The following TAF2 variants were observed in gnomAD, a reference collection of about 807,000 sequenced individuals.
The protein encoded by TAF2 is TATA-box binding protein associated factor 2.
Under a neutral mutation model 138.5 loss-of-function variants are expected in TAF2, and 61 were observed. That is an observed-to-expected ratio of 0.44 (90% CI 0.36 to 0.54). The LOEUF (loss-of-function observed/expected upper bound fraction) is 0.54. Ranked by LOEUF, TAF2 falls within the 20% of genes least tolerant of loss-of-function variation. TAF2 has a pLI of 0.00. For missense variants in TAF2, 1,090 were observed against 1,427.9 expected (o/e 0.76, Z 3.81); for synonymous variants, 475 against 469.9 (o/e 1.01, Z -0.14).
chr8:119,732,251 A>G (rs923639027), intron 25 of TAF2, 65 bp from the exon 26 acceptor site: 5 of 1,487,336 alleles, frequency 3.4e-6, no homozygotes, highest in Admixed American at 1.7e-5. Flanking sequence ...CTAAAGAAAG[A>G]GGAAGCTGAT....
intron 3 of TAF2, among the ~76,000 whole-genome samples, chr8:119,818,526 T>G (rs1202966972): frequency 6.6e-6 from 1 of 152,128 alleles, no homozygotes; most frequent in Non-Finnish European, 1.5e-5. Context: ...ATTTAAACAC[T>G]AGGGCACAAT....
intron 18 of TAF2, among the ~76,000 whole-genome samples, chr8:119,765,335 G>C (rs886840837): frequency 2.6e-5 from 4 of 152,140 alleles, no homozygotes; most frequent in African/African-American, 9.7e-5. Flanking sequence ...TAATCAAATT[G>C]TTCCAGGAGT....
chr8:119,767,501 CG>C (rs1295823827), intron 18 of TAF2, among the ~76,000 whole-genome samples: 3 of 152,092 alleles, frequency 2.0e-5, no homozygotes, highest in Non-Finnish European at 4.4e-5. Context: ...AGCAGGGAGC[CG>C]ACACCTCTTG....
In TAF2 at chr8:119,788,463, C is replaced by A. The variant is rs370311446; in HGVS notation, c.1684-16G>T. The A allele has an allele frequency of 4.6e-6, 7 of 1,536,778 alleles. No homozygotes were observed. Among genetic ancestry groups the A allele is most frequent in the Non-Finnish European group, 6.3e-6 (7 of 1,113,410 alleles). ...TAAGTGGTCCCTTTTAAAAAAAAAA[C>A]GTACTGTTCAGAGATGTGATTTAAA... On this transcript the variant is annotated splice_polypyrimidine_tract_variant and intron_variant, in intron 13 of 25. Transcript: ENST00000378164.
chr8:119,745,426 C>T (rs576840842), intron 23 of TAF2, among the ~76,000 whole-genome samples: 24,701 of 151,976 alleles, frequency 0.16, 3,508 homozygotes, highest in African/African-American at 0.38. Flanking sequence ...GTCTGTCTTA[C>T]TTCTTCATAA....
chr8:119,732,806 TAAAC>T (rs1421314144), intron 25 of TAF2, among the ~76,000 whole-genome samples: 4 of 151,814 alleles, frequency 2.6e-5, no homozygotes, highest in Non-Finnish European at 5.9e-5. Flanking sequence ...TCCATCTTAA[TAAAC>T]AAACAAACAA....
chr8:119,752,823 T>C (rs1250147925), intron 22 of TAF2, among the ~76,000 whole-genome samples: 1 of 152,230 alleles, frequency 6.6e-6, no homozygotes, highest in East Asian at 1.9e-4. Flanking sequence ...GCAAAGTCAA[T>C]ATACCTCAAA....
At chr8:119,756,619 A>G (rs1820718124) in intron 21 of TAF2, among the ~76,000 whole-genome samples, 1 of 152,216 alleles carries the variant, frequency 6.6e-6, no homozygotes, top group African/African-American at 2.4e-5. Context: ...TATTTGTAAA[A>G]CATGGAAATG....
chr8:119,744,689 C>CA (rs1313760156), intron 23 of TAF2: 4 of 432,198 alleles, frequency 9.3e-6, no homozygotes, highest in Non-Finnish European at 1.7e-5. Context: ...GTTCCTCCCC[C>CA]AAACAGAGAA....
At chr8:119,750,236 G>A (rs1820257107) in intron 22 of TAF2, among the ~76,000 whole-genome samples, 1 of 152,176 alleles carries the variant, frequency 6.6e-6, no homozygotes, top group Non-Finnish European at 1.5e-5. Context: ...AGCTACTCGG[G>A]AGGCTGAGGC....
In TAF2 at chr8:119,819,339, A is replaced by G. The variant is rs563235022; in HGVS notation, c.299+7T>C. The G allele has an allele frequency of 1.4e-5, 22 of 1,612,322 alleles. No homozygotes were observed. The Admixed American group carries it at 2.7e-4, about 20-fold the overall frequency. On this transcript the variant is annotated splice_region_variant and intron_variant, in intron 3 of 25. Coordinates refer to ENST00000378164, the MANE Select transcript of TAF2 (RefSeq NM_003184.4). ...AAAAATAGTGACTTTTAAAGTGCAT[A>G]ACTTACTGTTTTGATTCACTGTGAC...
At chr8:119,763,479 C>T (rs1821202796) in intron 18 of TAF2, among the ~76,000 whole-genome samples, 2 of 152,148 alleles carry the variant, frequency 1.3e-5, no homozygotes, top group African/African-American at 4.8e-5. Context: ...CCTGTAATCC[C>T]AGCACTTTGG....
chr8:119,731,857 C>T lies in TAF2; in HGVS notation c.*67G>A. ...CCCCCCTCCCTTTTATAATTCTTCACAGAGGACAAAGCTTTAGTTACATAC... is the reference window on the plus strand; with the variant it reads ...CCCCCCTCCCTTTTATAATTCTTCATAGAGGACAAAGCTTTAGTTACATAC... On this transcript the variant is annotated 3_prime_UTR_variant, in exon 26 of 26. Coordinates refer to ENST00000378164, the MANE Select transcript of TAF2 (RefSeq NM_003184.4). The T allele has an allele frequency of 1.3e-6, 2 of 1,496,780 alleles. No homozygotes were observed. The highest frequency in any genetic ancestry group is 1.7e-5 in the Admixed American group (1 of 59,818). The allele number at this position is 1,496,780 out of a possible 1,614,324, so 92.7% of individuals were successfully genotyped here.
In TAF2 at chr8:119,809,697, C is replaced by A. The variant is rs142243996; in HGVS notation, c.300-3296G>T. Among the ~76,000 whole-genome samples the A allele has an allele frequency of 1.6e-3, 247 of 152,098 alleles. 1 individual carries two copies. Among genetic ancestry groups the A allele is most frequent in the African/African-American group, 5.6e-3 (233 of 41,476 alleles). On this transcript the variant is annotated intron_variant, in intron 3 of 25. Transcript: ENST00000378164. Reference sequence around the variant, plus strand: ...GTGTGTCTCAGCAAACAGGGAGGCCCGAGGAAGGGGACAGAGACAGGGAAC... The same window carrying A: ...GTGTGTCTCAGCAAACAGGGAGGCCAGAGGAAGGGGACAGAGACAGGGAAC...
chr8:119,801,827 T>A lies in TAF2; in HGVS notation c.759A>T (p.Pro253=). 1 of 1,614,192 alleles carries A rather than the reference T, an allele frequency of 6.2e-7. No individual in the cohort carries two copies. The highest frequency in any genetic ancestry group is 8.5e-7 in the Non-Finnish European group (1 of 1,180,028). Residue 253 remains proline (P), a synonymous_variant, in exon 6 of 26, where the codon CCA becomes CCT. Coordinates refer to ENST00000378164, the MANE Select transcript of TAF2 (RefSeq NM_003184.4). ...AASNISLAIG[P]FEILVDPYMH... is the part of the protein sequence containing the mutation. ...TGTATGGATCTACCAGTATTTCAAA[T>A]GGTCCAATGGCCAAGGAGATATTTG...
chr8:119,742,146 G>A (rs564960403), intron 25 of TAF2, among the ~76,000 whole-genome samples: 1 of 152,042 alleles, frequency 6.6e-6, no homozygotes, highest in Non-Finnish European at 1.5e-5. Flanking sequence ...TTTTATAAAG[G>A]TACAAATTAG....
chr8:119,823,606 T>C (rs182725252), intron 2 of TAF2, among the ~76,000 whole-genome samples: 1 of 152,306 alleles, frequency 6.6e-6, no homozygotes, highest in African/African-American at 2.4e-5. Flanking sequence ...CTTTGTAAAC[T>C]GCCCAGTCTC....
chr8:119,778,562 G>A (rs1428961645), intron 17 of TAF2, among the ~76,000 whole-genome samples: 1 of 152,178 alleles, frequency 6.6e-6, no homozygotes, highest in Non-Finnish European at 1.5e-5. Context: ...TGTGCTAGGT[G>A]CCTTTAGCTC....
intron 18 of TAF2, among the ~76,000 whole-genome samples, chr8:119,773,191 A>G (rs1821974206): frequency 6.6e-6 from 1 of 151,112 alleles, no homozygotes; most frequent in East Asian, 1.9e-4. Context: ...AAAATTAAAC[A>G]GCACAATTAC....
Sources: allele counts gnomAD v4.1 joint callset (sites outside exome capture counted in the v4.1 genomes callset), GRCh38; gene constraint gnomAD v4.1.1; transcripts MANE v1.5; gene names NCBI Gene and HGNC (gene_info 2026-07-23, HGNC 2026-07-21).